The following ATP2B2 variants were observed in gnomAD, a reference collection of about 807,000 sequenced individuals.
ATP2B2 encodes the protein plasma membrane calcium-transporting ATPase 2.
Under a neutral mutation model 120.0 loss-of-function variants are expected in ATP2B2, and 15 were observed. The ratio of observed to expected loss-of-function variants is 0.12; its 90% confidence interval spans 0.08 to 0.19. The LOEUF is 0.19. ATP2B2 is among the 10% of genes least tolerant of loss of function. The pLI, the probability that ATP2B2 is intolerant of heterozygous loss-of-function variation, is 1.00. For synonymous variants in ATP2B2, 694 were observed against 700.3 expected (o/e 0.99, Z 0.14); for missense variants, 1,045 against 1,719.8 (o/e 0.61, Z 6.94).
intron 2 of ATP2B2, among the ~76,000 whole-genome samples, chr3:10,598,048 A>G (rs2068814416): frequency 6.6e-6 from 1 of 152,214 alleles, no homozygotes; most frequent in Non-Finnish European, 1.5e-5. Context: ...TCAAAGGCAG[A>G]TATCAGGGGA....
At chr3:10,690,768 G>A (rs1259492731) in intron 1 of ATP2B2, among the ~76,000 whole-genome samples, 3 of 152,088 alleles carry the variant, frequency 2.0e-5, no homozygotes, top group Non-Finnish European at 2.9e-5. Context: ...ACTTATTGAC[G>A]GGCAATGTCA....
rs375456272 is a variant in ATP2B2 at position 10,359,998 on chromosome 3, C to T, written c.1785G>A (p.Lys595=). 8 of 1,614,110 alleles carry T rather than the reference C, an allele frequency of 5.0e-6. No individual in the cohort carries two copies. The African/African-American group carries it at 5.3e-5, about 11-fold the overall frequency. The change falls in exon 13 of 23, where the codon AAG becomes AAA. Residue 595 remains lysine (K), a synonymous_variant. Transcript: ENST00000360273. The part of the protein sequence containing the change: ...EPVRSQMPEE[K]LYKVYTFNSV... ...AGTTGAAGGTGTACACTTTGTACAA[C>T]TTCTCCTCTGGCATCTGGCTGCGCA...
intron 16 of ATP2B2, 145 bp downstream of exon 16, chr3:10,349,967 T>G: frequency 1.3e-6 from 1 of 765,514 alleles, no homozygotes; most frequent in Non-Finnish European, 2.1e-6. Flanking sequence ...GAAAAGGGGG[T>G]GACATAAGGC....
rs1021276210 is a variant in ATP2B2, at chr3:10,329,811, G to A, written c.3421-686C>T. On this transcript the variant is annotated intron_variant, in intron 22 of 22. Coordinates refer to ENST00000360273, the MANE Select transcript of ATP2B2 (RefSeq NM_001001331.4). The surrounding 1 kb of genome is among the most constrained non-coding windows in gnomAD (Gnocchi z 5.9). ...GAGCTGGCGGACAGATGACATTCGG[G>A]GGCGGGCTGCATGCCACGGGGAGGC... Among the ~76,000 whole-genome samples, 1 of 152,176 alleles carries A rather than the reference G, an allele frequency of 6.6e-6. No individual in the cohort carries two copies. The highest frequency in any genetic ancestry group is 1.5e-5 in the Non-Finnish European group (1 of 68,038).
rs550591945 is a variant in ATP2B2, at chr3:10,553,736, C to G, written c.-414-19603G>C. ...AGTGGGTGGAGCTTGCTTTTAGTGCCTGCAGCTCTCTGGAAGGAACTGGGT... is the reference window on the plus strand; with the variant it reads ...AGTGGGTGGAGCTTGCTTTTAGTGCGTGCAGCTCTCTGGAAGGAACTGGGT... On this transcript the variant is annotated intron_variant, in intron 2 of 21. Coordinates refer to the ATP2B2 transcript ENST00000646379. 3.9e-5 allele frequency among the ~76,000 whole-genome samples: 6 copies of G among 152,242 alleles called. No individual in the cohort carries two copies. The South Asian group carries it at 1.2e-3, about 32-fold the overall frequency.
intron 2 of ATP2B2, among the ~76,000 whole-genome samples, chr3:10,555,306 G>C (rs1192039825): frequency 6.6e-6 from 1 of 152,232 alleles, no homozygotes; most frequent in African/African-American, 2.4e-5. Flanking sequence ...TCCCAGAAGG[G>C]CATTATCTCT....
At chr3:10,580,435 C>T (rs1336251508) in intron 2 of ATP2B2, among the ~76,000 whole-genome samples, 1 of 152,160 alleles carries the variant, frequency 6.6e-6, no homozygotes. Context: ...AGGTGCTCAG[C>T]AAATACTTGT....
At chr3:10,684,985 T>C (rs142496774) in intron 1 of ATP2B2, among the ~76,000 whole-genome samples, 1 of 152,334 alleles carries the variant, frequency 6.6e-6, no homozygotes, top group Non-Finnish European at 1.5e-5. Context: ...AGATGAATGT[T>C]CACAGTTTTG....
chr3:10,505,813 A>C (rs2125423584), upstream of ATP2B2, among the ~76,000 whole-genome samples: 1 of 143,958 alleles, frequency 6.9e-6, no homozygotes, highest in Non-Finnish European at 1.5e-5. Flanking sequence ...GGGTGTGTGG[A>C]CCGAACCACC....
intron 1 of ATP2B2, among the ~76,000 whole-genome samples, chr3:10,657,212 G>A (rs528938076): frequency 1.2e-4 from 18 of 152,286 alleles, no homozygotes; most frequent in African/African-American, 1.9e-4. Context: ...GCTGGAAGAC[G>A]GGGTCACAGA....
At chr3:10,443,715 A>C (rs1444961714) in intron 2 of ATP2B2, among the ~76,000 whole-genome samples, 2 of 152,212 alleles carry the variant, frequency 1.3e-5, no homozygotes, top group Non-Finnish European at 1.5e-5. Context: ...TTTCAGTTGC[A>C]CAAACCAGAA....
intron 2 of ATP2B2, among the ~76,000 whole-genome samples, chr3:10,545,870 C>A (rs564708290): frequency 6.6e-6 from 1 of 152,182 alleles, no homozygotes; most frequent in Non-Finnish European, 1.5e-5. Context: ...ATTTTTATGA[C>A]CTAGGAAAAT....
intron 1 of ATP2B2, among the ~76,000 whole-genome samples, chr3:10,700,568 A>C (rs556049627): frequency 6.6e-6 from 1 of 152,282 alleles, no homozygotes. Flanking sequence ...TCTCTCCCCC[A>C]TTTTGTGTTC....
intron 1 of ATP2B2, among the ~76,000 whole-genome samples, chr3:10,672,331 G>A (rs917759423): frequency 6.6e-5 from 10 of 152,190 alleles, no homozygotes; most frequent in African/African-American, 1.7e-4. Flanking sequence ...AGCTGGGTAC[G>A]GGGCACCCTT....
At position 10,359,968 on chromosome 3, in the gene ATP2B2, C is replaced by T. The variant is rs761996371; in HGVS notation, c.1815G>A (p.Val605=). 2 of 1,614,248 alleles carry T rather than the reference C, an allele frequency of 1.2e-6. No individual in the cohort carries two copies. The highest frequency in any genetic ancestry group is 1.7e-5 in the Admixed American group (1 of 60,030). The stretch of plus-strand genomic sequence containing the variant: ...TGATGACAGTGCTCATGGACTTGCG[C>T]ACGGAGTTGAAGGTGTACACTTTGT... ...KLYKVYTFNS[V]RKSMSTVIKL... The change falls in exon 13 of 23, where the codon GTG becomes GTA. Residue 605 remains valine, a synonymous_variant. Transcript: ENST00000360273.
intron 5 of ATP2B2, among the ~76,000 whole-genome samples, chr3:10,397,333 G>C (rs1413456335): frequency 1.3e-5 from 2 of 152,228 alleles, no homozygotes; most frequent in Non-Finnish European, 2.9e-5. Flanking sequence ...AAGGACAGCA[G>C]GGCCTATAAA....
At chr3:10,387,794 T>G in intron 6 of ATP2B2, 1 of 232,450 alleles carries the variant, frequency 4.3e-6, no homozygotes, top group Non-Finnish European at 8.6e-6. Context: ...TAATGGTTGA[T>G]TTGGAGCCAT....
At chr3:10,625,748 C>T (rs1161999733) in intron 1 of ATP2B2, among the ~76,000 whole-genome samples, 1 of 151,920 alleles carries the variant, frequency 6.6e-6, no homozygotes, top group Non-Finnish European at 1.5e-5. Context: ...CTCCCATTGC[C>T]ACCCAAGGAT....
At chr3:10,634,133 A>G (rs1050442644) in intron 1 of ATP2B2, among the ~76,000 whole-genome samples, 4 of 152,334 alleles carry the variant, frequency 2.6e-5, no homozygotes, top group African/African-American at 2.4e-5. Context: ...GGCTGACACA[A>G]TGAGATGGCG....
Sources: allele counts gnomAD v4.1 joint callset (sites outside exome capture counted in the v4.1 genomes callset), GRCh38; gene constraint gnomAD v4.1.1; non-coding constraint Gnocchi (gnomAD v3.1); transcripts MANE v1.5; gene names NCBI Gene and HGNC (gene_info 2026-07-23, HGNC 2026-07-21).